The following SVEP1 variants were observed in gnomAD, a reference collection of about 807,000 sequenced individuals.
The protein encoded by SVEP1 is sushi, von Willebrand factor type A, EGF and pentraxin domain containing 1.
SVEP1 carries 164 observed loss-of-function variants against 367.3 expected under a neutral mutation model. The observed-to-expected ratio is 0.45, with a 90% CI of 0.39 to 0.51. SVEP1 has a LOEUF of 0.51. Ranked by LOEUF, SVEP1 falls within the 20% of genes least tolerant of loss-of-function variation. SVEP1 has a pLI of 0.00. For missense variants in SVEP1, 4,117 were observed against 4,425.3 expected, an observed-to-expected ratio of 0.93 and a Z score of 1.98; for synonymous variants, 1,666 against 1,611.6, an observed-to-expected ratio of 1.03 and a Z score of -0.81.
chr9:110,466,103 T>C, intron 17 of SVEP1, 77 bp from the exon 18 acceptor site: 1 of 1,428,496 alleles, frequency 7.0e-7, no homozygotes. Flanking sequence ...GGATAGGGTT[T>C]TCTGCATTTT....
At chr9:110,442,006 C>T (rs769992347) in intron 27 of SVEP1, among the ~76,000 whole-genome samples, 3 of 152,192 alleles carry the variant, frequency 2.0e-5, no homozygotes, top group Admixed American at 2.0e-4. Context: ...CTCTTTCAGC[C>T]TGCATTTCAG....
intron 29 of SVEP1, 28 bp downstream of exon 29, chr9:110,435,213 G>T: frequency 6.2e-7 from 1 of 1,609,176 alleles, no homozygotes; most frequent in South Asian, 1.1e-5. Context: ...AAGAGATAGT[G>T]GAGTCTATGA....
At position 110,484,156 on chromosome 9, in the gene SVEP1, G is replaced by T. The variant is rs541812176; in HGVS notation, c.1931-463C>A. ...CTAAATAGAAGGACCATGGGCCAGAGATCTGAGTTATGTTGCAGAATAAGC... is the reference window on the plus strand; with the variant it reads ...CTAAATAGAAGGACCATGGGCCAGATATCTGAGTTATGTTGCAGAATAAGC... On this transcript the variant is annotated intron_variant, in intron 9 of 47. Transcript: ENST00000374469. 3.9e-5 allele frequency among the ~76,000 whole-genome samples: 6 copies of T among 152,312 alleles called. No individual in the cohort carries two copies. In the South Asian group the frequency reaches 1.0e-3, roughly 26 times the overall value.
chr9:110,375,218 C>T (rs374900073), intron 46 of SVEP1, 150 bp downstream of exon 46: 15 of 681,594 alleles, frequency 2.2e-5, no homozygotes, highest in Admixed American at 6.2e-5. Flanking sequence ...TGTTGAGACA[C>T]GAATCAAGGG....
Position 110,379,411 on chromosome 9 carries a change from C to T in SVEP1, c.10344G>A (p.Leu3448=), listed in dbSNP as rs760350661. The T allele has an allele frequency of 1.5e-5, 24 of 1,613,660 alleles. No individual in the cohort carries two copies. The highest frequency in any genetic ancestry group is 1.9e-5 in the Non-Finnish European group (23 of 1,179,786). ...ITYSCYSGYM[L]EGFLRSVCLE... ...AACAAACACTCCTCAGGAAACCCTCCAACATGTATCCACTGTAACATGAGT... is the reference window on the plus strand; with the variant it reads ...AACAAACACTCCTCAGGAAACCCTCTAACATGTATCCACTGTAACATGAGT... Residue 3448 remains leucine (L), a synonymous_variant, in exon 44 of 48, where the codon TTG becomes TTA. Coordinates refer to ENST00000374469, the MANE Select transcript of SVEP1 (RefSeq NM_153366.4).
chr9:110,429,694 G>A (rs1828321532), intron 34 of SVEP1, among the ~76,000 whole-genome samples: 1 of 152,032 alleles, frequency 6.6e-6, no homozygotes, highest in Non-Finnish European at 1.5e-5. Flanking sequence ...AGGGGGCACT[G>A]GAGGTAATGA....
intron 1 of SVEP1, among the ~76,000 whole-genome samples, chr9:110,555,690 T>C (rs1455942857): frequency 6.6e-6 from 1 of 152,130 alleles, no homozygotes; most frequent in Non-Finnish European, 1.5e-5. Context: ...AGACAATATA[T>C]TAAGCTTAAA....
chr9:110,462,398 T>C (rs1828870782), intron 18 of SVEP1, among the ~76,000 whole-genome samples: 1 of 151,916 alleles, frequency 6.6e-6, no homozygotes, highest in African/African-American at 2.4e-5. Context: ...GGGCAGACAG[T>C]TGTCTTCAGA....
chr9:110,579,380 TCGTCGCCAGGAG>T lies in SVEP1; in HGVS notation c.152_163del (p.Ala51_Asp54del), dbSNP rs764019727. ...CCGCTCCACTCTGCTCCCCGCCGCTTCGTCGCCAGGAGCGGGCGGCGCGGGGATACTCCCGGG... is the reference window on the plus strand; with the variant it reads ...CCGCTCCACTCTGCTCCCCGCCGCTTCGGGCGGCGCGGGGATACTCCCGGG... On this transcript the variant is annotated inframe_deletion, in exon 1 of 48. Coordinates refer to ENST00000374469, the MANE Select transcript of SVEP1 (RefSeq NM_153366.4). The surrounding 1 kb of genome is among the most constrained non-coding windows in gnomAD (Gnocchi z 5.3). 1.9e-6 allele frequency: 3 copies of T among 1,564,316 alleles called. No individual in the cohort carries two copies. The South Asian group carries it at 3.5e-5, about 18-fold the overall frequency.
chr9:110,444,023 G>A (rs1828554195), intron 26 of SVEP1, among the ~76,000 whole-genome samples: 1 of 152,168 alleles, frequency 6.6e-6, no homozygotes. Flanking sequence ...CCAACTGGCT[G>A]TTTTGGAGAG....
intron 7 of SVEP1, among the ~76,000 whole-genome samples, chr9:110,498,063 A>T (rs1829478528): frequency 6.6e-6 from 1 of 152,222 alleles, no homozygotes; most frequent in Admixed American, 6.5e-5. Context: ...TGCTCTCCAT[A>T]TCCTGTACAC....
intron 6 of SVEP1, among the ~76,000 whole-genome samples, chr9:110,501,731 A>C (rs1829535442): frequency 6.6e-6 from 1 of 152,196 alleles, no homozygotes; most frequent in Non-Finnish European, 1.5e-5. Context: ...TGAGTTTTAA[A>C]ACATTTTACT....
chr9:110,405,948 A>G (rs748492847), intron 38 of SVEP1, among the ~76,000 whole-genome samples: 32 of 152,230 alleles, frequency 2.1e-4, no homozygotes, highest in Non-Finnish European at 3.8e-4. Context: ...ATTATATTAG[A>G]AACATGTCTG....
At chr9:110,505,280 T>C (rs1008547000) in intron 5 of SVEP1, among the ~76,000 whole-genome samples, 2 of 152,188 alleles carry the variant, frequency 1.3e-5, no homozygotes, top group African/African-American at 4.8e-5. Context: ...CAACAATGTA[T>C]GTTAGAGTCC....
chr9:110,439,024 A>T (rs1828473795), intron 27 of SVEP1, among the ~76,000 whole-genome samples: 1 of 152,202 alleles, frequency 6.6e-6, no homozygotes, highest in East Asian at 1.9e-4. Flanking sequence ...TTTAGCTAAC[A>T]GACTCTTCAA....
chr9:110,531,038 C>G (rs892054494), intron 3 of SVEP1, among the ~76,000 whole-genome samples: 7 of 152,162 alleles, frequency 4.6e-5, no homozygotes, highest in Non-Finnish European at 8.8e-5. Context: ...CCTTGCACAT[C>G]TATTCTATTA....
intron 39 of SVEP1, among the ~76,000 whole-genome samples, chr9:110,403,330 G>T (rs569967287): frequency 1.7e-5 from 1 of 60,128 alleles, no homozygotes; most frequent in East Asian, 6.7e-4. Context: ...TTTTGACACG[G>T]AGTATTGCTC....
rs534042001 is a variant in SVEP1 at position 110,553,260 on chromosome 9, G to A, written c.532-3156C>T. 1.8e-4 allele frequency among the ~76,000 whole-genome samples: 27 copies of A among 152,232 alleles called. No individual in the cohort carries two copies. In the South Asian group the frequency reaches 4.6e-3, roughly 26 times the overall value. On this transcript the variant is annotated intron_variant, in intron 1 of 47. Coordinates refer to ENST00000374469, the MANE Select transcript of SVEP1 (RefSeq NM_153366.4). ...AAGGGAAGAGGTAATATTTCTCAAC[G>A]TGACTTTGTTTTCAAAAGTGCAGTG...
Position 110,408,900 on chromosome 9 carries a change from C to G in SVEP1, c.6700G>C (p.Gly2234Arg). The G allele has an allele frequency of 6.2e-7, 1 of 1,609,924 alleles. No individual in the cohort carries two copies. ...ESEVRYQCNP[G>R]YKSVGSPVFV... ...ACAGGACTTCCGACTGACTTATAGC[C>G]CGGGTTACACTGATACCTCACTTCA... Residue 2234 changes from glycine to arginine, a missense_variant, in exon 38 of 48, where the codon GGC becomes CGC. Coordinates refer to ENST00000374469, the MANE Select transcript of SVEP1 (RefSeq NM_153366.4).
Sources: allele counts gnomAD v4.1 joint callset (sites outside exome capture counted in the v4.1 genomes callset), GRCh38; gene constraint gnomAD v4.1.1; non-coding constraint Gnocchi (gnomAD v3.1); transcripts MANE v1.5; gene names NCBI Gene and HGNC (gene_info 2026-07-23, HGNC 2026-07-21).